Variants in AGTPBP1 observed in about 807,000 individuals in gnomAD.
The protein encoded by AGTPBP1 is cytosolic carboxypeptidase 1.
Under a neutral mutation model 143.9 loss-of-function variants are expected in AGTPBP1, and 70 were observed. The ratio of observed to expected loss-of-function variants is 0.49; its 90% CI spans 0.40 to 0.59. The LOEUF (loss-of-function observed/expected upper bound fraction) is 0.59. AGTPBP1 is among the 20% of genes least tolerant of loss of function. The pLI, the probability that AGTPBP1 is intolerant of heterozygous loss-of-function variation, is 0.00. For missense variants in AGTPBP1, 1,229 were observed against 1,464.5 expected (o/e 0.84, Z 2.62); for synonymous variants, 463 against 500.2 (o/e 0.93, Z 0.99).
intron 17 of AGTPBP1, among the ~76,000 whole-genome samples, chr9:85,604,187 T>C (rs991173672): frequency 6.6e-6 from 1 of 152,170 alleles, no homozygotes; most frequent in Admixed American, 6.5e-5. Flanking sequence ...GCTGGCTTTG[T>C]GTCTGACCCA....
At chr9:85,549,786 A>C (rs938065207) in intron 25 of AGTPBP1, among the ~76,000 whole-genome samples, 6 of 152,182 alleles carry the variant, frequency 3.9e-5, no homozygotes, top group Admixed American at 1.3e-4. Flanking sequence ...AAAATAAAAG[A>C]AGCATCTTCA....
intron 13 of AGTPBP1, among the ~76,000 whole-genome samples, chr9:85,642,248 C>T (rs796481565): frequency 1.3e-5 from 2 of 152,252 alleles, no homozygotes; most frequent in African/African-American, 4.8e-5. Flanking sequence ...TTGACTTGCT[C>T]TGTAATCCAG....
At chr9:85,581,555 T>C (rs1426027541) in intron 23 of AGTPBP1, among the ~76,000 whole-genome samples, 1 of 152,228 alleles carries the variant, frequency 6.6e-6, no homozygotes, top group Non-Finnish European at 1.5e-5. Flanking sequence ...AACAAATATT[T>C]ACTTAATGCC....
chr9:85,714,010 C>T (rs912198485), intron 1 of AGTPBP1, among the ~76,000 whole-genome samples: 1 of 152,194 alleles, frequency 6.6e-6, no homozygotes, highest in African/African-American at 2.4e-5. Flanking sequence ...ACTAACAGCA[C>T]ATCTCATGAA....
intron 1 of AGTPBP1, among the ~76,000 whole-genome samples, chr9:85,727,133 C>T (rs777242149): frequency 6.6e-6 from 1 of 152,052 alleles, no homozygotes; most frequent in Non-Finnish European, 1.5e-5. Flanking sequence ...TCGAAACCAG[C>T]CTGGCCAATA....
intron 22 of AGTPBP1, among the ~76,000 whole-genome samples, chr9:85,585,949 A>T (rs775090823): frequency 2.0e-5 from 3 of 152,252 alleles, no homozygotes; most frequent in Non-Finnish European, 2.9e-5. Flanking sequence ...GCGGTGGCTC[A>T]TGCCTGTAAT....
intron 1 of AGTPBP1, among the ~76,000 whole-genome samples, chr9:85,733,976 G>C (rs1839054379): frequency 6.6e-6 from 1 of 152,164 alleles, no homozygotes; most frequent in African/African-American, 2.4e-5. Flanking sequence ...CTTACAGGCT[G>C]GGCACGGTGG....
intron 1 of AGTPBP1, among the ~76,000 whole-genome samples, chr9:85,716,458 G>A (rs986758332): frequency 3.9e-5 from 6 of 152,078 alleles, no homozygotes; most frequent in South Asian, 2.1e-4. Context: ...TATGCAAAAC[G>A]GATCTGACCT....
At chr9:85,585,655 T>C (rs1285991811) in intron 22 of AGTPBP1, 61 bp from the exon 23 acceptor site, 2 of 1,365,794 alleles carry the variant, frequency 1.5e-6, no homozygotes. Context: ...TAAGTAAAGG[T>C]AGTTAATATC....
At chr9:85,556,725 G>C (rs1157443063) in intron 25 of AGTPBP1, among the ~76,000 whole-genome samples, 1 of 152,122 alleles carries the variant, frequency 6.6e-6, no homozygotes, top group Non-Finnish European at 1.5e-5. Context: ...CCAAAGAAGA[G>C]ACATTTTATG....
Position 85,588,398 on chromosome 9 carries a change from C to A in AGTPBP1, c.2803G>T (p.Glu935Ter). The stretch of plus-strand genomic sequence containing the variant: ...GTGGGGTTATTGCTCATGAGATATT[C>A]CAACGTTCCTTTCATAACCCAACTT... ...NASWVMKGTL[E>*]YLMSNNPTAQ... The change falls in exon 21 of 26, where the codon GAA (glutamate) becomes TAA (stop). Residue 935 changes from glutamate (E) to a stop codon, truncating the protein, a stop_gained. Coordinates refer to ENST00000357081, the MANE Select transcript of AGTPBP1 (RefSeq NM_001330701.2). LOFTEE classifies it high-confidence loss of function. The A allele has an allele frequency of 6.2e-7, 1 of 1,613,532 alleles. No individual in the cohort carries two copies. The highest frequency in any genetic ancestry group is 8.5e-7 in the Non-Finnish European group (1 of 1,179,694).
chr9:85,735,547 T>C (rs559853544), intron 1 of AGTPBP1, among the ~76,000 whole-genome samples: 3 of 152,362 alleles, frequency 2.0e-5, no homozygotes, highest in African/African-American at 7.2e-5. Flanking sequence ...ATGTTATATA[T>C]GTTTTACCAC....
intron 2 of AGTPBP1, among the ~76,000 whole-genome samples, chr9:85,703,840 T>A (rs1312735698): frequency 6.6e-6 from 1 of 152,140 alleles, no homozygotes; most frequent in Admixed American, 6.6e-5. Context: ...GAGGACTATT[T>A]AGAGGTCCTA....
At chr9:85,723,273 T>G (rs2134641462) in intron 1 of AGTPBP1, among the ~76,000 whole-genome samples, 1 of 152,372 alleles carries the variant, frequency 6.6e-6, no homozygotes, top group South Asian at 2.1e-4. Context: ...TGGTAGGCAC[T>G]GCCCAGAAGT....
intron 25 of AGTPBP1, among the ~76,000 whole-genome samples, chr9:85,564,558 T>C (rs533526479): frequency 6.6e-6 from 1 of 152,354 alleles, no homozygotes; most frequent in South Asian, 2.1e-4. Flanking sequence ...CTGTGCTTTT[T>C]CTATATTCAA....
At chr9:85,626,854 C>T (rs1831330847) in intron 14 of AGTPBP1, among the ~76,000 whole-genome samples, 1 of 152,146 alleles carries the variant, frequency 6.6e-6, no homozygotes, top group South Asian at 2.1e-4. Context: ...TTTTCATGTG[C>T]CACGAAGCCT....
At chr9:85,616,107 T>G (rs1830587241) in intron 17 of AGTPBP1, among the ~76,000 whole-genome samples, 1 of 151,986 alleles carries the variant, frequency 6.6e-6, no homozygotes, top group Admixed American at 6.6e-5. Flanking sequence ...CACTGCATTA[T>G]AAAAAAGGCT....
chr9:85,622,779 T>C lies in AGTPBP1; in HGVS notation c.2016-1494A>G, dbSNP rs1831020725. ...TCGATTATAGTAACACATAAATAAATTCAGAATTTACATCAACCAGATGGC... is the reference window on the plus strand; with the variant it reads ...TCGATTATAGTAACACATAAATAAACTCAGAATTTACATCAACCAGATGGC... On this transcript the variant is annotated intron_variant, in intron 14 of 25. Transcript: ENST00000357081. 1.3e-5 allele frequency among the ~76,000 whole-genome samples: 2 copies of C among 152,108 alleles called. 1 individual carries two copies. The highest frequency in any genetic ancestry group is 3.9e-4 in the East Asian group (2 of 5,188).
chr9:85,753,305 G>A, the AGTPBP1 span: 1 of 1,613,684 alleles, frequency 6.2e-7, no homozygotes, highest in Non-Finnish European at 8.5e-7. Flanking sequence ...TTTTTCTATA[G>A]GAACTACAAT....
Sources: gnomAD v4.1 joint callset for allele counts (sites outside exome capture counted in the v4.1 genomes callset) on GRCh38, gnomAD v4.1.1 for gene constraint, MANE v1.5 for transcripts, NCBI Gene and HGNC (gene_info 2026-07-23, HGNC 2026-07-21) for gene names.